HNRNPM: variants seen among roughly 807,000 people sequenced by gnomAD.
HNRNPM encodes the protein heterogeneous nuclear ribonucleoprotein M, also known as CEA receptor.
In HNRNPM, 11 loss-of-function variants were observed where a neutral mutation model predicts 73.1. That is an observed-to-expected ratio of 0.15 (90% confidence interval 0.09 to 0.25). The LOEUF (loss-of-function observed/expected upper bound fraction) is 0.25, where lower values mean the gene tolerates loss of function less well. HNRNPM is among the 10% of genes least tolerant of loss of function. The pLI is 1.00. For synonymous variants in HNRNPM, 407 were observed against 355.2 expected (o/e 1.15, Z -1.64); for missense variants, 789 against 1,067.9 (o/e 0.74, Z 3.64).
At chr19:8,483,120 G>T (rs757886069) in intron 12 of HNRNPM, 38 bp from the exon 13 acceptor site, 9 of 1,369,308 alleles carry the variant, frequency 6.6e-6, no homozygotes, top group Non-Finnish European at 9.4e-6. Context: ...TGCCATAGAG[G>T]AATTTGGCTA....
Position 8,486,362 on chromosome 19 carries a change from C to A in HNRNPM, c.1934C>A (p.Ala645Asp). Residue 645 changes from alanine (A) to aspartate (D), a missense_variant, in exon 14 of 16, where the codon GCT becomes GAT. Ala to Asp is a moderately radical substitution (Grantham distance 126). Around this residue, in one of 4 missense-constraint regions of HNRNPM, gnomAD observed 604 missense variants for 744.0 expected, o/e 0.81. Transcript: ENST00000325495. ...AGSFGGAGGH[A>D]PGVARKACQI... ...TCCTTTGGTGGAGCTGGAGGCCATG[C>A]TCCTGGGGTGGCCAGGAAGGCCTGC... 6.3e-7 allele frequency: 1 copy of A among 1,585,344 alleles called. No individual in the cohort carries two copies. The highest frequency in any genetic ancestry group is 8.5e-7 in the Non-Finnish European group (1 of 1,172,578).
Position 8,465,531 on chromosome 19 carries a change from C to G in HNRNPM, c.630+16C>G. The G allele has an allele frequency of 6.5e-7, 1 of 1,540,586 alleles. No individual in the cohort carries two copies. Among genetic ancestry groups the G allele is most frequent in the Non-Finnish European group, 8.9e-7 (1 of 1,128,702 alleles). ...TGTAGCAAATGTAAGTAAACAGAAC[C>G]ATCGTCTAAAGTAGAAAATCAGAAC... On this transcript the variant is annotated intron_variant, in intron 6 of 15. Transcript: ENST00000325495.
chr19:8,452,971 G>A (rs1968734506), intron 1 of HNRNPM, among the ~76,000 whole-genome samples: 1 of 152,008 alleles, frequency 6.6e-6, no homozygotes. Flanking sequence ...CTCCTGAGTA[G>A]CTGGGACTAC....
Position 8,485,973 on chromosome 19 carries a change from GGAGCGCATGGGCCCTGCCATC to G in HNRNPM, c.1559_1579del (p.Pro520_Gly526del), listed in dbSNP as rs575586653. 1.3e-3 allele frequency: 2,019 copies of G among 1,606,752 alleles called. 6 individuals carry two copies. The highest frequency in any genetic ancestry group is 1.7e-3 in the Admixed American group (101 of 59,958). ...CCATTGAGCGCATGGGCTCTGGCGT[GGAGCGCATGGGCCCTGCCATC>G]GAGCGCATGGGCCTGAGCATGGAGC... is the stretch of plus-strand genomic sequence containing the variant. On this transcript the variant is annotated inframe_deletion, in exon 14 of 16. Transcript: ENST00000325495.
intron 8 of HNRNPM, among the ~76,000 whole-genome samples, chr19:8,468,491 C>T (rs1424620758): frequency 6.6e-6 from 1 of 152,092 alleles, no homozygotes; most frequent in Non-Finnish European, 1.5e-5. Context: ...TCACGTGACT[C>T]AAAAGTCAAA....
chr19:8,482,951 A>G (rs1480948912), intron 12 of HNRNPM: 4 of 542,266 alleles, frequency 7.4e-6, no homozygotes, highest in African/African-American at 1.9e-5. Flanking sequence ...CTCTGGAGCT[A>G]CGTGGGGTCT....
chr19:8,486,472 C>T (rs1971318499), intron 14 of HNRNPM, 67 bp downstream of exon 14: 7 of 1,394,228 alleles, frequency 5.0e-6, no homozygotes, highest in South Asian at 1.3e-5. Flanking sequence ...CAAAGATCAG[C>T]AGGATGAAGT....
At chr19:8,448,711 C>T (rs1043043043) in intron 1 of HNRNPM, among the ~76,000 whole-genome samples, 12 of 152,010 alleles carry the variant, frequency 7.9e-5, no homozygotes, top group African/African-American at 2.9e-4. Flanking sequence ...TCTCGATCTC[C>T]TGACGTCGTT....
chr19:8,488,581 A>T (rs564138793), intron 15 of HNRNPM, 110 bp from the exon 16 acceptor site: 4 of 925,706 alleles, frequency 4.3e-6, no homozygotes, highest in Admixed American at 2.7e-5. Context: ...TCGCCATTGT[A>T]TTCTGAGCCT....
Position 8,473,273 on chromosome 19 carries a change from G to A in HNRNPM, c.998-391G>A, listed in dbSNP as rs566759101. Among the ~76,000 whole-genome samples the A allele has an allele frequency of 3.3e-5, 5 of 151,952 alleles. No homozygotes were observed. The South Asian group carries it at 6.2e-4, about 19-fold the overall frequency. On this transcript the variant is annotated intron_variant, in intron 10 of 15. Coordinates refer to ENST00000325495, the MANE Select transcript of HNRNPM (RefSeq NM_005968.5). The stretch of plus-strand genomic sequence containing the variant: ...CAAAAAAAACACAAAAACCCTGCCC[G>A]ACTGGGTCATTAAAGTATGTAGATC...
chr19:8,459,085 C>T (rs79361356), intron 2 of HNRNPM, among the ~76,000 whole-genome samples: 6,113 of 152,172 alleles, frequency 0.04, 275 homozygotes, highest in African/African-American at 0.11. Flanking sequence ...ACCACCACGC[C>T]GAGTTAATTT....
intron 1 of HNRNPM, among the ~76,000 whole-genome samples, chr19:8,448,334 A>C (rs1420314752): frequency 6.6e-6 from 1 of 152,148 alleles, no homozygotes; most frequent in Admixed American, 6.5e-5. Context: ...GTTCCAATTA[A>C]AGTCAGCAAA....
At chr19:8,465,870 T>TA (rs1483879115) in intron 6 of HNRNPM, among the ~76,000 whole-genome samples, 2 of 152,176 alleles carry the variant, frequency 1.3e-5, no homozygotes, top group Non-Finnish European at 2.9e-5. Context: ...TGAATGATAA[T>TA]ACCTCCACCA....
chr19:8,456,533 T>G (rs1453031274), intron 2 of HNRNPM, among the ~76,000 whole-genome samples: 2 of 152,214 alleles, frequency 1.3e-5, no homozygotes, highest in East Asian at 1.9e-4. Context: ...TGAAAGGTAT[T>G]GGTTTTCTGG....
intron 1 of HNRNPM, among the ~76,000 whole-genome samples, chr19:8,451,296 GC>G (rs1290140660): frequency 3.3e-5 from 5 of 152,176 alleles, no homozygotes; most frequent in Admixed American, 2.0e-4. Flanking sequence ...GCCCGCCTCG[GC>G]CCCCCAAGGT....
intron 1 of HNRNPM, among the ~76,000 whole-genome samples, chr19:8,453,896 C>T (rs1198838965): frequency 6.6e-6 from 1 of 152,152 alleles, no homozygotes; most frequent in African/African-American, 2.4e-5. Flanking sequence ...AGTGTGGTGG[C>T]ACCTAGCACA....
At chr19:8,478,486 G>T (rs767692690) in intron 12 of HNRNPM, among the ~76,000 whole-genome samples, 55 of 152,286 alleles carry the variant, frequency 3.6e-4, no homozygotes, top group Non-Finnish European at 7.4e-4. Flanking sequence ...CTTGGCAGAG[G>T]AATGAGTAAG....
In HNRNPM at chr19:8,488,121, A is replaced by C. The variant is rs540886605; in HGVS notation, c.2030-570A>C. ...TAAGCTCACTCAGAACTTGCCCCTG[A>C]GGACCCCTCCACCCTACCTGCCCTG... On this transcript the variant is annotated intron_variant, in intron 15 of 15. Coordinates refer to ENST00000325495, the MANE Select transcript of HNRNPM (RefSeq NM_005968.5). 7 of 152,512 alleles carry C rather than the reference A, an allele frequency of 4.6e-5. No individual in the cohort carries two copies. In the East Asian group the frequency reaches 1.3e-3, roughly 29 times the overall value. 9.4% of individuals were successfully genotyped at this position (152,512 alleles called of 1,614,324 possible).
chr19:8,474,434 G>A (rs561519673), intron 12 of HNRNPM, among the ~76,000 whole-genome samples, 190 bp downstream of exon 12: 2 of 152,164 alleles, frequency 1.3e-5, no homozygotes, highest in Admixed American at 6.5e-5. Flanking sequence ...TCACTTGGTC[G>A]CTAGTCTTTT....
Sources: gnomAD v4.1 joint callset for allele counts (sites outside exome capture counted in the v4.1 genomes callset) on GRCh38, gnomAD v4.1.1 for gene constraint, gnomAD v4.1.1 regional missense constraint, MANE v1.5 for transcripts, NCBI Gene and HGNC (gene_info 2026-07-23, HGNC 2026-07-21) for gene names.